The following CSRP3 variants were observed in gnomAD, a reference collection of about 807,000 sequenced individuals.
CSRP3 encodes the protein cysteine and glycine rich protein 3.
In CSRP3, 24 loss-of-function variants were observed where a neutral mutation model predicts 24.3. The observed-to-expected ratio is 0.99, with a 90% CI of 0.71 to 1.39. The LOEUF (loss-of-function observed/expected upper bound fraction) is 1.39, where lower values mean the gene tolerates loss of function less well. CSRP3 is among the 40% of genes most tolerant of loss of function. The pLI is 0.00. For synonymous variants in CSRP3, 105 were observed against 94.0 expected, an observed-to-expected ratio of 1.12 and a Z score of -0.68; for missense variants, 240 against 249.0, an observed-to-expected ratio of 0.96 and a Z score of 0.24.
chr11:19,200,829 T>C (rs902979661), intron 1 of CSRP3, among the ~76,000 whole-genome samples: 1 of 152,180 alleles, frequency 6.6e-6, no homozygotes, highest in African/African-American at 2.4e-5. Context: ...ACACAGGCCA[T>C]CCCCAATTTC....
rs537676586 is a variant in CSRP3 at position 19,191,829 on chromosome 11, G to A, written c.112+508C>T. Among the ~76,000 whole-genome samples the A allele has an allele frequency of 2.0e-5, 3 of 152,256 alleles. No homozygotes were observed. In the South Asian group the frequency reaches 6.2e-4, roughly 32 times the overall value. The stretch of plus-strand genomic sequence containing the variant: ...ATGCAGTTACTGGTGCCCAGGCCCT[G>A]AAATGCTTCCCTCTCTGACTCTTAC... On this transcript the variant is annotated intron_variant, in intron 2 of 5. Transcript: ENST00000265968.
At position 19,188,188 on chromosome 11, in the gene CSRP3, C is replaced by T. The variant is rs746207; in HGVS notation, c.229G>A (p.Ala77Thr). Residue 77 changes from alanine (A) to threonine (T), a missense_variant, in exon 3 of 6, where the codon GCT becomes ACT. Transcript: ENST00000265968. ...CCCGTGTCTGTGCTGAGACAGCCAG[C>T]GCCTTGTCCATACCCGATCCCTTTG... ...GPKGIGYGQG[A>T]GCLSTDTGEH... The T allele has an allele frequency of 1.6e-5, 26 of 1,613,924 alleles. 1 individual carries two copies. In the East Asian group the frequency reaches 3.1e-4, roughly 19 times the overall value.
intron 1 of CSRP3, among the ~76,000 whole-genome samples, chr11:19,200,641 C>T (rs916133633): frequency 2.0e-5 from 3 of 152,246 alleles, no homozygotes; most frequent in African/African-American, 7.2e-5. Flanking sequence ...AGCTACACCT[C>T]CTGCCCAATA....
chr11:19,188,426 T>A, intron 2 of CSRP3, 122 bp from the exon 3 acceptor site: 3 of 909,532 alleles, frequency 3.3e-6, no homozygotes, highest in Non-Finnish European at 5.2e-6. Context: ...AAGAATACAA[T>A]GTTGATTCCT....
chr11:19,188,402 G>T, intron 2 of CSRP3, 98 bp from the exon 3 acceptor site: 1 of 1,340,412 alleles, frequency 7.5e-7, no homozygotes, highest in Non-Finnish European at 1.1e-6. Context: ...CCCAGCATGA[G>T]GGGCCCCTGA....
chr11:19,199,886 C>A (rs1850807137), intron 1 of CSRP3, among the ~76,000 whole-genome samples: 1 of 152,232 alleles, frequency 6.6e-6, no homozygotes, highest in Non-Finnish European at 1.5e-5. Context: ...AAGCCCAACC[C>A]TCTATACAGT....
At chr11:19,193,222 A>G (rs1850643935) in intron 1 of CSRP3, among the ~76,000 whole-genome samples, 1 of 152,198 alleles carries the variant, frequency 6.6e-6, no homozygotes, top group African/African-American at 2.4e-5. Context: ...CCTGCTGTTC[A>G]TATCAGGATG....
At chr11:19,189,584 T>A (rs1042918788) in intron 2 of CSRP3, among the ~76,000 whole-genome samples, 3 of 152,250 alleles carry the variant, frequency 2.0e-5, no homozygotes, top group African/African-American at 7.2e-5. Context: ...TATGCCTTCT[T>A]CAAATGATAT....
At chr11:19,185,970 G>C (rs988303752) in intron 4 of CSRP3, among the ~76,000 whole-genome samples, 1 of 152,048 alleles carries the variant, frequency 6.6e-6, no homozygotes, top group Non-Finnish European at 1.5e-5. Context: ...CTTTCAGCTG[G>C]GTGCCTTCCA....
chr11:19,199,070 C>T (rs907935576), intron 1 of CSRP3, among the ~76,000 whole-genome samples: 1 of 152,210 alleles, frequency 6.6e-6, no homozygotes, highest in Non-Finnish European at 1.5e-5. Context: ...GACTGTGAAT[C>T]AGCTTTGTTT....
chr11:19,188,096 G>C, intron 3 of CSRP3, 40 bp downstream of exon 3: 1 of 1,611,848 alleles, frequency 6.2e-7, no homozygotes, highest in Non-Finnish European at 8.5e-7. Context: ...CTGATAATTG[G>C]AGACTTTAAC....
At chr11:19,184,191 A>G (rs906989576) in intron 5 of CSRP3, among the ~76,000 whole-genome samples, 1 of 152,184 alleles carries the variant, frequency 6.6e-6, no homozygotes, top group African/African-American at 2.4e-5. Context: ...CTCTCACTTC[A>G]TTCCAACATA....
chr11:19,192,445 G>A lies in CSRP3; in HGVS notation c.4C>T (p.Pro2Ser). Residue 2 changes from proline to serine, a missense_variant, in exon 2 of 6, where the codon CCA (proline) becomes TCA (serine). By Grantham distance (74) the Pro-to-Ser change is moderately conservative. Coordinates refer to ENST00000265968, the MANE Select transcript of CSRP3 (RefSeq NM_003476.5). MPNWGGGAKCGA... is the reference protein window; with the variant it reads MSNWGGGAKCGA... ...CATTTTGCGCCTCCGCCCCAGTTTG[G>A]CATCTTGAAGACTATCTGGTCAAGG... 1 of 1,613,312 alleles carries A rather than the reference G, an allele frequency of 6.2e-7. No individual in the cohort carries two copies. Among genetic ancestry groups the A allele is most frequent in the Non-Finnish European group, 8.5e-7 (1 of 1,179,250 alleles).
At chr11:19,197,918 C>T (rs1211157842) in intron 1 of CSRP3, among the ~76,000 whole-genome samples, 4 of 151,976 alleles carry the variant, frequency 2.6e-5, no homozygotes, top group African/African-American at 7.3e-5. Context: ...CCTTGGGTAT[C>T]GTTTAATCTT....
At chr11:19,183,922 G>T (rs1159614030) in intron 5 of CSRP3, among the ~76,000 whole-genome samples, 1 of 152,118 alleles carries the variant, frequency 6.6e-6, no homozygotes, top group Non-Finnish European at 1.5e-5. Context: ...GAGATCTGAT[G>T]GTTTTATAAA....
chr11:19,200,035 C>T (rs1033929861), intron 1 of CSRP3, among the ~76,000 whole-genome samples: 12 of 152,210 alleles, frequency 7.9e-5, no homozygotes, highest in Non-Finnish European at 1.5e-4. Context: ...AACTCCTGGT[C>T]AGCTTCTTAC....
chr11:19,193,710 T>C (rs1490248501), intron 1 of CSRP3, among the ~76,000 whole-genome samples: 1 of 151,900 alleles, frequency 6.6e-6, no homozygotes, highest in Non-Finnish European at 1.5e-5. Context: ...CCCAGCTGCT[T>C]GAGAGGCTGA....
At chr11:19,199,721 A>G (rs1590110267) in intron 1 of CSRP3, among the ~76,000 whole-genome samples, 3 of 152,146 alleles carry the variant, frequency 2.0e-5, no homozygotes, top group African/African-American at 7.2e-5. Flanking sequence ...ACGACCATCA[A>G]ATCATGATCA....
intron 1 of CSRP3, among the ~76,000 whole-genome samples, chr11:19,195,828 A>G (rs1254078989): frequency 8.5e-5 from 13 of 152,216 alleles, no homozygotes; most frequent in Admixed American, 8.5e-4. Context: ...AATATCTGAC[A>G]TATATCATCA....
Sources: gnomAD v4.1 joint callset for allele counts (sites outside exome capture counted in the v4.1 genomes callset) on GRCh38, gnomAD v4.1.1 for gene constraint, MANE v1.5 for transcripts, NCBI Gene and HGNC (gene_info 2026-07-23, HGNC 2026-07-21) for gene names.